The following JAKMIP3 variants were observed in gnomAD, a reference collection of about 807,000 sequenced individuals.
The protein encoded by JAKMIP3 is Janus kinase and microtubule interacting protein 3, also known as janus kinase and microtubule-interacting protein 3.
In JAKMIP3, 58 loss-of-function variants were observed where a neutral mutation model predicts 118.5. The ratio of observed to expected loss-of-function variants is 0.49; its 90% confidence interval spans 0.40 to 0.61. JAKMIP3 has a LOEUF of 0.61. JAKMIP3 is among the 20% of genes least tolerant of loss of function. The pLI, the probability that JAKMIP3 is intolerant of heterozygous loss-of-function variation, is 0.00. For missense variants in JAKMIP3, 950 were observed against 1,109.0 expected, an observed-to-expected ratio of 0.86 and a Z score of 2.04; for synonymous variants, 486 against 451.2, an observed-to-expected ratio of 1.08 and a Z score of -0.98.
In JAKMIP3 at chr10:132,140,451, C is replaced by A. The variant is rs1256096380; in HGVS notation, c.1345C>A (p.Pro449Thr). The A allele has an allele frequency of 5.0e-6, 8 of 1,613,742 alleles. No homozygotes were observed. The highest frequency in any genetic ancestry group is 3.3e-5 in the Admixed American group (2 of 60,022). ...TGACACGTCGCATTTTGGTCACAAG[C>A]CGGTGGTTGTGGAGACCTTCTTTGG... ...QRKKMAKLPK[P>T]VVVETFFGYD... is the part of the protein sequence containing the mutation. Residue 449 changes from proline to threonine, a missense_variant and splice_region_variant, in exon 10 of 24, where the codon CCG becomes ACG. Physicochemically the swap from Pro to Thr is conservative, Grantham distance 38 (BLOSUM62 -1). Transcript: ENST00000684848.
chr10:132,174,358 G>A (rs564340523), intron 23 of JAKMIP3, among the ~76,000 whole-genome samples: 1 of 152,274 alleles, frequency 6.6e-6, no homozygotes, highest in East Asian at 1.9e-4. Flanking sequence ...ACCCACATAA[G>A]GTTCCTTGTG....
chr10:132,167,716 TCCATGAAGCC>T (rs1329749522), intron 22 of JAKMIP3, among the ~76,000 whole-genome samples: 4 of 152,084 alleles, frequency 2.6e-5, no homozygotes, highest in African/African-American at 7.2e-5. Context: ...GCTCTCCCTC[TCCATGAAGCC>T]CCTCATCCCT....
chr10:132,145,060 C>T, intron 11 of JAKMIP3, 47 bp from the exon 12 acceptor site: 1 of 1,531,594 alleles, frequency 6.5e-7, no homozygotes, highest in Non-Finnish European at 8.9e-7. Flanking sequence ...TGCTGTCTGT[C>T]CCAGCTTTTA....
intron 1 of JAKMIP3, among the ~76,000 whole-genome samples, chr10:132,086,421 C>T (rs1204067553): frequency 6.6e-6 from 1 of 152,178 alleles, no homozygotes; most frequent in Non-Finnish European, 1.5e-5. Flanking sequence ...TGTTGACTTT[C>T]TGTCTTGATG....
intron 1 of JAKMIP3, among the ~76,000 whole-genome samples, chr10:132,046,832 T>C (rs529239826): frequency 9.1e-4 from 138 of 152,330 alleles, no homozygotes; most frequent in African/African-American, 3.3e-3. Flanking sequence ...AACTTGCCGC[T>C]TGGGAACACT....
At chr10:132,180,752 C>CGCGTGTGTGTGTGTGT (rs1423457354) in intron 23 of JAKMIP3, among the ~76,000 whole-genome samples, 1 of 13,678 alleles carries the variant, frequency 7.3e-5, no homozygotes, top group African/African-American at 2.7e-4. Flanking sequence ...CGTGCGCGCG[C>CGCGTGTGTGTGTGTGT]GTGTGTGCGT....
chr10:132,105,408 G>A (rs549914054), intron 2 of JAKMIP3, among the ~76,000 whole-genome samples: 10 of 152,368 alleles, frequency 6.6e-5, no homozygotes, highest in East Asian at 3.9e-4. Context: ...ACCCGTTAGC[G>A]AATGTGGAGA....
intron 1 of JAKMIP3, among the ~76,000 whole-genome samples, chr10:132,076,224 T>G (rs1250806968): frequency 6.6e-6 from 1 of 151,658 alleles, no homozygotes; most frequent in Non-Finnish European, 1.5e-5. Context: ...TAAATTCGCC[T>G]CTTCTGCACC....
chr10:132,157,134 A>G (rs574275699), intron 19 of JAKMIP3, among the ~76,000 whole-genome samples: 1 of 152,256 alleles, frequency 6.6e-6, no homozygotes, highest in East Asian at 1.9e-4. Flanking sequence ...GTAGAAAAGG[A>G]CATTTTCTTC....
chr10:132,056,258 C>T (rs2133829033), intron 1 of JAKMIP3, among the ~76,000 whole-genome samples: 1 of 152,302 alleles, frequency 6.6e-6, no homozygotes, highest in Non-Finnish European at 1.5e-5. Flanking sequence ...GGCTGTAAAG[C>T]TTGTCCGTGG....
At chr10:132,175,714 C>A (rs1334806601) in intron 23 of JAKMIP3, among the ~76,000 whole-genome samples, 1 of 152,196 alleles carries the variant, frequency 6.6e-6, no homozygotes, top group Non-Finnish European at 1.5e-5. Context: ...CATGCTGCTG[C>A]TGGAGATGAT....
rs559504656 is a variant in JAKMIP3 at position 132,117,301 on chromosome 10, C to T, written c.360C>T (p.Leu120=). 5 of 1,613,928 alleles carry T rather than the reference C, an allele frequency of 3.1e-6. No individual in the cohort carries two copies. Among genetic ancestry groups the T allele is most frequent in the Middle Eastern group, 3.3e-4 (2 of 6,062 alleles). The change falls in exon 3 of 24, where the codon CTC becomes CTT. Residue 120 remains leucine (L), a synonymous_variant. Transcript: ENST00000684848. The surrounding 1 kb of genome is among the most constrained non-coding windows in gnomAD (Gnocchi z 8.6). ...AGAACCAGCGGCTGCAGGCACTGCT[C>T]AGTGCCCTGCGTGATGGCGGCCCCG... ...DNENQRLQAL[L]SALRDGGPEK...
rs1419946031 is a variant in JAKMIP3, at chr10:132,118,329, C to T, written c.633+755C>T. Among the ~76,000 whole-genome samples, 1 of 152,218 alleles carries T rather than the reference C, an allele frequency of 6.6e-6. No homozygotes were observed. Among genetic ancestry groups the T allele is most frequent in the African/African-American group, 2.4e-5 (1 of 41,462 alleles). Reference sequence around the variant, plus strand: ...GTCCAGGGATTGCAAGGGACTGATTCCACCCGATGCCCCTTGTCCTTTGGA... The same window carrying T: ...GTCCAGGGATTGCAAGGGACTGATTTCACCCGATGCCCCTTGTCCTTTGGA... On this transcript the variant is annotated intron_variant, in intron 3 of 23. Transcript: ENST00000684848. This position sits in a 1 kb window ranked among gnomAD's most constrained non-coding sequence, Gnocchi z 4.8.
intron 1 of JAKMIP3, among the ~76,000 whole-genome samples, chr10:132,085,327 T>C (rs183326778): frequency 5.3e-5 from 8 of 152,364 alleles, no homozygotes; most frequent in Non-Finnish European, 1.0e-4. Context: ...TTTATCCATC[T>C]CCGCTAGGTT....
chr10:132,069,810 G>T (rs1433647647), intron 1 of JAKMIP3, among the ~76,000 whole-genome samples: 2 of 152,258 alleles, frequency 1.3e-5, no homozygotes, highest in Non-Finnish European at 1.5e-5. Flanking sequence ...GGGTTGGGAA[G>T]GTGGGGGCTT....
intron 1 of JAKMIP3, among the ~76,000 whole-genome samples, chr10:132,075,427 A>T (rs1230981283): frequency 3.5e-5 from 1 of 28,866 alleles, no homozygotes. Context: ...TTTTTTTTTA[A>T]AGACAGTCTC....
Position 132,139,332 on chromosome 10 carries a change from TTG to T in JAKMIP3, c.1345-1117_1345-1116del, listed in dbSNP as rs1271133376. ...AGTGTGTATGTGTATGTGTGTGTGTTTGTATGTGTGTACATGTGAGTGTATAT... is the reference window on the plus strand; with the variant it reads ...AGTGTGTATGTGTATGTGTGTGTGTTTATGTGTGTACATGTGAGTGTATAT... On this transcript the variant is annotated intron_variant, in intron 9 of 23. Coordinates refer to ENST00000684848, the MANE Select transcript of JAKMIP3 (RefSeq NM_001323087.2). 1.8e-4 allele frequency among the ~76,000 whole-genome samples: 25 copies of T among 137,704 alleles called. 1 individual carries two copies. Among genetic ancestry groups the T allele is most frequent in the Non-Finnish European group, 3.4e-4 (22 of 64,134 alleles). 90.3% of individuals were successfully genotyped at this position (137,704 alleles called of 152,430 possible).
chr10:132,131,205 G>C (rs1482685853), intron 3 of JAKMIP3, among the ~76,000 whole-genome samples: 1 of 149,834 alleles, frequency 6.7e-6, no homozygotes, highest in Non-Finnish European at 1.5e-5. Context: ...GCGTTGTGGG[G>C]AGACGGGAGT....
At chr10:132,163,148 T>G (rs2058532988) in intron 19 of JAKMIP3, 61 bp from the exon 20 acceptor site, 1 of 1,489,282 alleles carries the variant, frequency 6.7e-7, no homozygotes, top group African/African-American at 1.4e-5. Flanking sequence ...TCCGTTGCCC[T>G]TCCTGAAAGG....
Sources: gnomAD v4.1 joint callset for allele counts (sites outside exome capture counted in the v4.1 genomes callset) on GRCh38, gnomAD v4.1.1 for gene constraint, Gnocchi (gnomAD v3.1) non-coding constraint, MANE v1.5 for transcripts, NCBI Gene and HGNC (gene_info 2026-07-23, HGNC 2026-07-21) for gene names.